The following PRRC2C variants were observed in gnomAD, a reference collection of about 807,000 sequenced individuals.
PRRC2C encodes protein PRRC2C.
In PRRC2C, 72 loss-of-function variants were observed where a neutral mutation model predicts 317.2. The observed-to-expected ratio is 0.23, with a 90% CI of 0.19 to 0.28. PRRC2C has a LOEUF of 0.28. PRRC2C is among the 10% of genes least tolerant of loss of function. PRRC2C has a pLI of 1.00. For synonymous variants in PRRC2C, 1,296 were observed against 1,205.9 expected (o/e 1.07, Z -1.55); for missense variants, 3,074 against 3,459.7 (o/e 0.89, Z 2.80).
At chr1:171,552,882 T>C (rs1221751836) in intron 18 of PRRC2C, among the ~76,000 whole-genome samples, 3 of 152,204 alleles carry the variant, frequency 2.0e-5, no homozygotes, top group Non-Finnish European at 4.4e-5. Context: ...TTATTGAGGA[T>C]TTTTGCATCA....
intron 23 of PRRC2C, among the ~76,000 whole-genome samples, chr1:171,569,462 G>C (rs1470641624): frequency 6.6e-6 from 1 of 150,690 alleles, no homozygotes; most frequent in African/African-American, 2.4e-5. Flanking sequence ...AAAAGGAATA[G>C]AAAGGAGTGA....
chr1:171,545,061 G>T (rs1474311351), intron 16 of PRRC2C, among the ~76,000 whole-genome samples: 2 of 152,110 alleles, frequency 1.3e-5, no homozygotes, highest in Non-Finnish European at 2.9e-5. Context: ...GTACATAGTT[G>T]TAAATATAGA....
At chr1:171,589,647 C>G in intron 34 of PRRC2C, 42 bp downstream of exon 34, 1 of 1,234,248 alleles carries the variant, frequency 8.1e-7, no homozygotes, top group African/African-American at 1.5e-5. Context: ...GAATCTGTCT[C>G]TGAACCATGT....
rs80347423 is a variant in PRRC2C at position 171,541,441 on chromosome 1, A to G, written c.3975A>G (p.Val1325=). ...ATAGACTGCTAGAAAAGCCTTATGT[A>G]AGGGATGACGATAAAGCTAAACCAG... is the stretch of plus-strand genomic sequence containing the variant. ...IDNRLLEKPY[V]RDDDKAKPGF... Residue 1325 remains valine (V), a synonymous_variant, in exon 16 of 35, where the codon GTA becomes GTG. Transcript: ENST00000647382. The surrounding 1 kb of genome is among the most constrained non-coding windows in gnomAD (Gnocchi z 4.1). 1,510 of 1,613,884 alleles carry G rather than the reference A, an allele frequency of 9.4e-4. 33 individuals carry two copies. The East Asian group carries it at 0.031, about 33-fold the overall frequency.
rs1383937269 is a variant in PRRC2C, at chr1:171,589,616, TGTTAACAGC to T, written c.8436+12_8436+20del. ...GAACAAGACATGAAGGTTAGTACAGTGTTAACAGCCAACAGATCAAGAATCTGTCTCTGA... is the reference window on the plus strand; with the variant it reads ...GAACAAGACATGAAGGTTAGTACAGTCAACAGATCAAGAATCTGTCTCTGA... On this transcript the variant is annotated intron_variant, in intron 34 of 34. Coordinates refer to ENST00000647382, the MANE Select transcript of PRRC2C (RefSeq NM_001387844.1). 1 of 1,281,872 alleles carries T rather than the reference TGTTAACAGC, an allele frequency of 7.8e-7. No individual in the cohort carries two copies. Among genetic ancestry groups the T allele is most frequent in the East Asian group, 5.6e-5 (1 of 17,988 alleles). 79.4% of individuals were successfully genotyped at this position (1,281,872 alleles called of 1,614,324 possible).
intron 24 of PRRC2C, among the ~76,000 whole-genome samples, chr1:171,574,715 TC>T (rs1685399630): frequency 6.6e-6 from 1 of 152,152 alleles, no homozygotes; most frequent in African/African-American, 2.4e-5. Flanking sequence ...ACTCTCACAC[TC>T]CCAATTTGAG....
At chr1:171,512,266 G>A in intron 2 of PRRC2C, 66 bp downstream of exon 2, 1 of 1,135,768 alleles carries the variant, frequency 8.8e-7, no homozygotes, top group Non-Finnish European at 1.3e-6. Flanking sequence ...TGATACACCT[G>A]CTGCTATGAG....
intron 28 of PRRC2C, 143 bp downstream of exon 28, chr1:171,580,107 A>G (rs1401643751): frequency 4.7e-6 from 3 of 643,292 alleles, no homozygotes; most frequent in Non-Finnish European, 6.8e-6. Flanking sequence ...GAGCATGTTG[A>G]TTATATGTCA....
chr1:171,513,301 G>A (rs958099797), intron 3 of PRRC2C, 129 bp downstream of exon 3: 1 of 1,054,312 alleles, frequency 9.5e-7, no homozygotes, highest in Non-Finnish European at 1.4e-6. Flanking sequence ...ACTCTTTAAA[G>A]TCTTTTGACT....
intron 20 of PRRC2C, 145 bp downstream of exon 20, chr1:171,561,248 A>G (rs867321885): frequency 3.5e-5 from 27 of 773,130 alleles, no homozygotes; most frequent in South Asian, 1.6e-4. Flanking sequence ...TGGGCAACAT[A>G]GTGAGACCCG....
intron 20 of PRRC2C, among the ~76,000 whole-genome samples, chr1:171,561,484 G>A (rs1032335402): frequency 2.0e-5 from 3 of 152,128 alleles, no homozygotes; most frequent in African/African-American, 7.2e-5. Flanking sequence ...GCATGCCTCA[G>A]AATTAACTTG....
intron 1 of PRRC2C, among the ~76,000 whole-genome samples, chr1:171,486,379 C>T (rs947507586): frequency 6.6e-6 from 1 of 152,052 alleles, no homozygotes; most frequent in African/African-American, 2.4e-5. Context: ...CATCCTCTAA[C>T]TTGCGTGGTG....
At chr1:171,566,041 C>G (rs1626990) in intron 20 of PRRC2C, among the ~76,000 whole-genome samples, 192 bp from the exon 21 acceptor site, 1 of 152,062 alleles carries the variant, frequency 6.6e-6, no homozygotes, top group Non-Finnish European at 1.5e-5. Flanking sequence ...CTAGTTTCAT[C>G]TTATCAGTTG....
intron 12 of PRRC2C, among the ~76,000 whole-genome samples, chr1:171,533,521 G>A (rs1676248557): frequency 1.3e-5 from 2 of 152,122 alleles, no homozygotes; most frequent in South Asian, 4.2e-4. Context: ...GTTCTTCTCC[G>A]AGTTGGCTTG....
intron 1 of PRRC2C, among the ~76,000 whole-genome samples, chr1:171,492,184 A>G (rs1468945905): frequency 2.0e-5 from 3 of 152,240 alleles, no homozygotes; most frequent in Non-Finnish European, 4.4e-5. Context: ...ATGTAGAAAG[A>G]TAAAACATCT....
chr1:171,555,377 A>G (rs1348142389), intron 18 of PRRC2C, among the ~76,000 whole-genome samples: 3 of 152,080 alleles, frequency 2.0e-5, no homozygotes, highest in Non-Finnish European at 4.4e-5. Context: ...TCTTTTTTCA[A>G]GGTTTTTAGT....
intron 11 of PRRC2C, 33 bp from the exon 12 acceptor site, chr1:171,532,310 T>A: frequency 6.4e-7 from 1 of 1,568,182 alleles, no homozygotes; most frequent in Non-Finnish European, 8.6e-7. Flanking sequence ...GAAATAGAGT[T>A]GTCATAACTC....
At chr1:171,533,869 G>A (rs577604384) in intron 12 of PRRC2C, among the ~76,000 whole-genome samples, 45 of 152,250 alleles carry the variant, frequency 3.0e-4, no homozygotes, top group Non-Finnish European at 1.0e-4. Flanking sequence ...TGATCTGCCT[G>A]CCTCGGCCTC....
chr1:171,541,545 G>C lies in PRRC2C; in HGVS notation c.4079G>C (p.Arg1360Pro). 6.2e-7 allele frequency: 1 copy of C among 1,613,296 alleles called. No individual in the cohort carries two copies. The highest frequency in any genetic ancestry group is 8.5e-7 in the Non-Finnish European group (1 of 1,179,692). Residue 1360 changes from arginine (R) to proline (P), a missense_variant, in exon 16 of 35, where the codon CGT becomes CCT. This residue lies in a region of PRRC2C where 1,320 missense variants were observed against 1,395.7 expected (regional missense o/e 0.95). Transcript: ENST00000647382. The surrounding 1 kb of genome is among the most constrained non-coding windows in gnomAD (Gnocchi z 4.1). ...FRRGGRDPGG[R>P]PSRPSTLRRP... is the part of the protein sequence containing the mutation. ...CGTGGTGGAAGGGATCCTGGAGGCCGTCCATCACGCCCTTCCACTTTACGA... is the reference window on the plus strand; with the variant it reads ...CGTGGTGGAAGGGATCCTGGAGGCCCTCCATCACGCCCTTCCACTTTACGA...
Sources: allele counts gnomAD v4.1 joint callset (sites outside exome capture counted in the v4.1 genomes callset), GRCh38; gene constraint gnomAD v4.1.1; regional missense constraint gnomAD v4.1.1; non-coding constraint Gnocchi (gnomAD v3.1); transcripts MANE v1.5; gene names NCBI Gene and HGNC (gene_info 2026-07-23, HGNC 2026-07-21).